PAN3: variants seen among roughly 807,000 people sequenced by gnomAD.
PAN3 encodes poly(A) specific ribonuclease subunit PAN3.
A neutral mutation model predicts 96.2 loss-of-function variants in PAN3; 19 were observed. The observed-to-expected ratio is 0.20, with a 90% CI of 0.14 to 0.29. The LOEUF (loss-of-function observed/expected upper bound fraction) is 0.29. PAN3 is among the 10% of genes least tolerant of loss of function. PAN3 has a pLI of 1.00. For missense variants in PAN3, 882 were observed against 1,108.1 expected, an observed-to-expected ratio of 0.80 and a Z score of 2.90; for synonymous variants, 433 against 406.6, an observed-to-expected ratio of 1.06 and a Z score of -0.78.
intron 4 of PAN3, among the ~76,000 whole-genome samples, chr13:28,190,761 C>G (rs760253937): frequency 1.3e-5 from 2 of 152,050 alleles, no homozygotes; most frequent in African/African-American, 2.4e-5. Flanking sequence ...CTCACTATCA[C>G]GAGAATAGCA....
chr13:28,274,484 C>T (rs1393842519), intron 14 of PAN3, among the ~76,000 whole-genome samples: 3 of 150,112 alleles, frequency 2.0e-5, no homozygotes, highest in Non-Finnish European at 3.0e-5. Context: ...TCTAGAAACC[C>T]GTGTCTGCAT....
intron 6 of PAN3, 98 bp from the exon 7 acceptor site, chr13:28,256,194 G>T: frequency 1.6e-6 from 2 of 1,278,110 alleles, no homozygotes; most frequent in South Asian, 2.9e-5. Flanking sequence ...TCCCAAAGAT[G>T]ATGTTTCTTC....
intron 18 of PAN3, 48 bp from the exon 19 acceptor site, chr13:28,292,331 ATTC>A: frequency 6.7e-7 from 1 of 1,487,980 alleles, no homozygotes; most frequent in Non-Finnish European, 9.0e-7. Flanking sequence ...ACGTAGATAA[ATTC>A]TTTTCTGCAT....
chr13:28,264,398 G>A (rs1285157321), intron 9 of PAN3, among the ~76,000 whole-genome samples: 10 of 152,052 alleles, frequency 6.6e-5, no homozygotes, highest in African/African-American at 1.4e-4. Context: ...AATTAGCCAG[G>A]CGTGGTGGTG....
chr13:28,154,574 A>C (rs958864353), intron 1 of PAN3, among the ~76,000 whole-genome samples: 2 of 152,112 alleles, frequency 1.3e-5, no homozygotes, highest in Non-Finnish European at 2.9e-5. Context: ...GGCTCACTGC[A>C]ACCTCTGCCT....
At chr13:28,232,678 T>A (rs1426892629) in intron 6 of PAN3, 6 of 152,074 alleles carry the variant, frequency 3.9e-5, no homozygotes, top group Non-Finnish European at 7.4e-5. Context: ...AGAATTTAAT[T>A]TCCATTGGCA....
chr13:28,173,123 C>G (rs1477274943), intron 1 of PAN3, among the ~76,000 whole-genome samples: 1 of 152,108 alleles, frequency 6.6e-6, no homozygotes, highest in South Asian at 2.1e-4. Context: ...TCCAATGTGG[C>G]ATTATTAGGT....
chr13:28,270,405 C>A (rs1202811651), intron 12 of PAN3, among the ~76,000 whole-genome samples: 1 of 152,152 alleles, frequency 6.6e-6, no homozygotes, highest in Non-Finnish European at 1.5e-5. Context: ...ATTTGGTTAA[C>A]AATTACATAT....
chr13:28,145,701 C>T (rs1043185647), intron 1 of PAN3, among the ~76,000 whole-genome samples: 2 of 151,422 alleles, frequency 1.3e-5, no homozygotes, highest in Non-Finnish European at 2.9e-5. Context: ...AGCAATACTC[C>T]TGCCTTGGTC....
intron 1 of PAN3, among the ~76,000 whole-genome samples, chr13:28,171,369 G>T (rs1180578523): frequency 6.6e-6 from 1 of 152,124 alleles, no homozygotes; most frequent in Admixed American, 6.5e-5. Context: ...TACCACATGG[G>T]TGTCCTACAA....
intron 18 of PAN3, among the ~76,000 whole-genome samples, chr13:28,289,298 G>A (rs945502340): frequency 2.0e-5 from 3 of 151,764 alleles, no homozygotes; most frequent in Non-Finnish European, 4.4e-5. Context: ...TTTTTGGAAC[G>A]GGGTTTTGAT....
intron 6 of PAN3, among the ~76,000 whole-genome samples, chr13:28,223,813 A>T (rs967276916): frequency 1.3e-5 from 2 of 151,412 alleles, no homozygotes; most frequent in African/African-American, 4.9e-5. Context: ...CGAAGTTATG[A>T]ATGTGCTTAA....
At chr13:28,290,715 G>A (rs1869650873) in intron 18 of PAN3, among the ~76,000 whole-genome samples, 1 of 152,036 alleles carries the variant, frequency 6.6e-6, no homozygotes, top group Non-Finnish European at 1.5e-5. Flanking sequence ...AAGACTATAT[G>A]TATCATTGAA....
At chr13:28,223,584 A>G (rs1287264955) in intron 6 of PAN3, among the ~76,000 whole-genome samples, 1 of 150,984 alleles carries the variant, frequency 6.6e-6, no homozygotes, top group African/African-American at 2.4e-5. Flanking sequence ...TGTTTTTGAG[A>G]CGGAGTTTTG....
intron 1 of PAN3, among the ~76,000 whole-genome samples, chr13:28,156,290 A>G (rs1005119694): frequency 6.6e-6 from 1 of 152,222 alleles, no homozygotes; most frequent in Non-Finnish European, 1.5e-5. Context: ...ACCTCTATGC[A>G]TGTAGGGTAG....
intron 6 of PAN3, among the ~76,000 whole-genome samples, chr13:28,221,835 G>T (rs529367848): frequency 6.6e-6 from 1 of 152,280 alleles, no homozygotes; most frequent in African/African-American, 2.4e-5. Context: ...ATACTACTAT[G>T]ATTTTTCTCT....
At chr13:28,255,168 G>A (rs1885038891) in intron 6 of PAN3, among the ~76,000 whole-genome samples, 1 of 152,048 alleles carries the variant, frequency 6.6e-6, no homozygotes, top group East Asian at 1.9e-4. Context: ...TTGTGAGGTG[G>A]CATATTATTT....
intron 6 of PAN3, among the ~76,000 whole-genome samples, chr13:28,248,892 C>T (rs1884455836): frequency 6.6e-6 from 1 of 151,900 alleles, no homozygotes; most frequent in African/African-American, 2.4e-5. Context: ...TCTTTTTTAC[C>T]CAGTTTGTTG....
intron 4 of PAN3, among the ~76,000 whole-genome samples, chr13:28,184,717 A>G (rs933621552): frequency 3.3e-5 from 5 of 152,156 alleles, no homozygotes; most frequent in Non-Finnish European, 7.4e-5. Flanking sequence ...ATATTTTTGT[A>G]ATTTCACAGG....
Sources: gnomAD v4.1 joint callset for allele counts (sites outside exome capture counted in the v4.1 genomes callset) on GRCh38, gnomAD v4.1.1 for gene constraint, MANE v1.5 for transcripts, NCBI Gene and HGNC (gene_info 2026-07-23, HGNC 2026-07-21) for gene names.